Variants in XPO6 observed in about 807,000 individuals in gnomAD.
XPO6 encodes exportin 6.
XPO6 carries 3 observed loss-of-function variants against 130.0 expected under a neutral mutation model. The ratio of observed to expected loss-of-function variants is 0.02; its 90% CI spans 0.01 to 0.06. XPO6 has a LOEUF of 0.06. Ranked by LOEUF, XPO6 falls within the 10% of genes least tolerant of loss-of-function variation. XPO6 has a pLI of 1.00. For missense variants in XPO6, 970 were observed against 1,393.0 expected, an observed-to-expected ratio of 0.70 and a Z score of 4.83; for synonymous variants, 524 against 548.9, an observed-to-expected ratio of 0.95 and a Z score of 0.63.
At chr16:28,169,653 C>G in intron 5 of XPO6, 97 bp downstream of exon 5, 1 of 1,482,196 alleles carries the variant, frequency 6.7e-7, no homozygotes, top group African/African-American at 1.4e-5. Flanking sequence ...ATCTCAGAAA[C>G]AGCGCAAACA....
At chr16:28,118,627 G>T (rs1390253346) in intron 14 of XPO6, among the ~76,000 whole-genome samples, 2 of 152,352 alleles carry the variant, frequency 1.3e-5, no homozygotes, top group South Asian at 4.1e-4. Flanking sequence ...AAAGGGCTGG[G>T]ATTGCAGGTG....
At chr16:28,195,643 C>T (rs997875494) in intron 1 of XPO6, among the ~76,000 whole-genome samples, 4 of 152,146 alleles carry the variant, frequency 2.6e-5, no homozygotes, top group Non-Finnish European at 5.9e-5. Flanking sequence ...GTACCAGCTA[C>T]TCGGGAGGTT....
chr16:28,129,980 A>C (rs2042633282), intron 12 of XPO6, among the ~76,000 whole-genome samples: 1 of 152,204 alleles, frequency 6.6e-6, no homozygotes, highest in African/African-American at 2.4e-5. Flanking sequence ...AACCCACATA[A>C]GGTAGAAAAG....
At chr16:28,170,833 A>C (rs1221960397) in intron 4 of XPO6, among the ~76,000 whole-genome samples, 2 of 152,182 alleles carry the variant, frequency 1.3e-5, no homozygotes, top group Non-Finnish European at 2.9e-5. Context: ...TAAACAAGAC[A>C]AAAAAAGTAC....
chr16:28,132,203 G>T lies in XPO6; in HGVS notation c.1606+131C>A. On this transcript the variant is annotated intron_variant, in intron 12 of 23. Transcript: ENST00000304658. This position sits in a 1 kb window ranked among gnomAD's most constrained non-coding sequence, Gnocchi z 4.0. ...CTTTAAAAACGTTCCCTGTTTCGAA[G>T]TGGGGAGAGATGCCAGTGGGGAGGC... The T allele has an allele frequency of 1.4e-6, 1 of 714,010 alleles. No homozygotes were observed. Among genetic ancestry groups the T allele is most frequent in the Non-Finnish European group, 2.4e-6 (1 of 416,442 alleles). 44.2% of individuals were successfully genotyped at this position (714,010 alleles called of 1,614,324 possible). A position where few individuals can be genotyped will look rare whatever the true frequency, so the allele number is the denominator to read the frequency against.
At position 28,108,351 on chromosome 16, in the gene XPO6, G is replaced by A. The variant is rs149768990; in HGVS notation, c.2342-674C>T. 7.6e-3 allele frequency among the ~76,000 whole-genome samples: 1,163 copies of A among 152,314 alleles called. 16 individuals carry two copies. The highest frequency in any genetic ancestry group is 0.026 in the African/African-American group (1,095 of 41,558). On this transcript the variant is annotated intron_variant, in intron 17 of 23. Coordinates refer to ENST00000304658, the MANE Select transcript of XPO6 (RefSeq NM_015171.4). ...ACAGGGAAAACAGATGTAGTGGGCC[G>A]CAAACAGGCAGAGGTCAGAGAGCCC...
In XPO6 at chr16:28,106,203, G is replaced by C; in HGVS notation, c.2624C>G (p.Ala875Gly). 6.2e-7 allele frequency: 1 copy of C among 1,614,092 alleles called. No individual in the cohort carries two copies. Among genetic ancestry groups the C allele is most frequent in the Non-Finnish European group, 8.5e-7 (1 of 1,180,026 alleles). Reference sequence around the variant, plus strand: ...GCTGCCCTCGTGGAGGATGCTCTCGGCTAACTGCTCTCTACAGAGGAGAAA... The same window carrying C: ...GCTGCCCTCGTGGAGGATGCTCTCGCCTAACTGCTCTCTACAGAGGAGAAA... ...FLNMFTREQL[A>G]ESILHEGSTG... Residue 875 changes from alanine (A) to glycine (G), a missense_variant, in exon 20 of 24, where the codon GCC becomes GGC. Ala to Gly is a moderately conservative substitution (Grantham distance 60). Coordinates refer to ENST00000304658, the MANE Select transcript of XPO6 (RefSeq NM_015171.4). This position sits in a 1 kb window ranked among gnomAD's most constrained non-coding sequence, Gnocchi z 4.2.
chr16:28,117,286 G>A (rs1002790383), intron 15 of XPO6, 32 bp downstream of exon 15: 3 of 1,611,830 alleles, frequency 1.9e-6, no homozygotes, highest in Non-Finnish European at 1.7e-6. Context: ...CAGAGAGTTA[G>A]ATAAAAGGTG....
intron 1 of XPO6, among the ~76,000 whole-genome samples, chr16:28,198,624 C>T (rs993132538): frequency 1.4e-5 from 2 of 147,372 alleles, no homozygotes; most frequent in South Asian, 4.3e-4. Context: ...GGCAACACAG[C>T]GAGATCCTAT....
chr16:28,139,932 A>C (rs1567616159), intron 9 of XPO6, among the ~76,000 whole-genome samples: 1 of 152,214 alleles, frequency 6.6e-6, no homozygotes, highest in Non-Finnish European at 1.5e-5. Flanking sequence ...AATAAGTAGG[A>C]TAAAGACAAC....
intron 7 of XPO6, 114 bp downstream of exon 7, chr16:28,155,960 C>T (rs2141825406): frequency 1.4e-6 from 2 of 1,464,798 alleles, no homozygotes; most frequent in African/African-American, 1.4e-5. Context: ...CTGTTCCTCA[C>T]CAGGAGCCCC....
intron 13 of XPO6, among the ~76,000 whole-genome samples, chr16:28,123,678 C>A (rs1052603331): frequency 6.6e-6 from 1 of 152,278 alleles, no homozygotes; most frequent in South Asian, 2.1e-4. Flanking sequence ...CAAAGTCCCA[C>A]GAAGTCCTCG....
chr16:28,137,362 T>G (rs917012487), intron 9 of XPO6, among the ~76,000 whole-genome samples: 2 of 152,270 alleles, frequency 1.3e-5, no homozygotes, highest in Non-Finnish European at 2.9e-5. Flanking sequence ...TATCTCAGTG[T>G]TTCCTCTGAA....
chr16:28,175,021 A>G (rs1381764041), intron 4 of XPO6, among the ~76,000 whole-genome samples: 1 of 152,130 alleles, frequency 6.6e-6, no homozygotes, highest in Non-Finnish European at 1.5e-5. Context: ...GGAACACACA[A>G]ATTTTAAATG....
At chr16:28,130,679 C>T (rs932528943) in intron 12 of XPO6, among the ~76,000 whole-genome samples, 8 of 152,050 alleles carry the variant, frequency 5.3e-5, no homozygotes, top group African/African-American at 1.5e-4. Flanking sequence ...ATGATCCGGA[C>T]GAGCCGAGTT....
At chr16:28,186,774 C>T (rs1295220627) in intron 1 of XPO6, among the ~76,000 whole-genome samples, 2 of 151,510 alleles carry the variant, frequency 1.3e-5, no homozygotes, top group African/African-American at 2.4e-5. Context: ...TGGGCTCAGG[C>T]GATCCTCCCC....
intron 14 of XPO6, among the ~76,000 whole-genome samples, 166 bp downstream of exon 14, chr16:28,121,504 C>G (rs545778901): frequency 6.6e-6 from 1 of 152,316 alleles, no homozygotes; most frequent in African/African-American, 2.4e-5. Context: ...CGCCTCTGCC[C>G]CAGACATATA....
chr16:28,166,371 C>G, intron 6 of XPO6, 137 bp downstream of exon 6: 2 of 785,060 alleles, frequency 2.5e-6, no homozygotes, highest in Admixed American at 2.7e-5. Context: ...GTTGCCCAGG[C>G]TGGTCTCAAA....
chr16:28,108,906 C>T (rs1164963855), intron 17 of XPO6, among the ~76,000 whole-genome samples: 6 of 152,154 alleles, frequency 3.9e-5, no homozygotes, highest in South Asian at 4.1e-4. Flanking sequence ...TGAAGGAAGA[C>T]GCTTCTCGCC....
Sources: gnomAD v4.1 joint callset for allele counts (sites outside exome capture counted in the v4.1 genomes callset) on GRCh38, gnomAD v4.1.1 for gene constraint, Gnocchi (gnomAD v3.1) non-coding constraint, MANE v1.5 for transcripts, NCBI Gene and HGNC (gene_info 2026-07-23, HGNC 2026-07-21) for gene names.